AP3B1: variants seen among roughly 807,000 people sequenced by gnomAD.
AP3B1 encodes the protein adaptor related protein complex 3 subunit beta 1, also known as AP-3 complex subunit beta-1.
A neutral mutation model predicts 132.5 loss-of-function variants in AP3B1; 61 were observed. That is an observed-to-expected ratio of 0.46 (90% CI 0.37 to 0.57). The LOEUF is 0.57. Among genes scored for constraint, AP3B1 ranks in the 20% least tolerant of loss-of-function variants. The pLI is 0.00. For synonymous variants in AP3B1, 388 were observed against 438.3 expected (o/e 0.89, Z 1.43); for missense variants, 1,120 against 1,289.4 (o/e 0.87, Z 2.01).
intron 22 of AP3B1, among the ~76,000 whole-genome samples, chr5:78,041,431 C>A (rs545018217): frequency 2.0e-3 from 303 of 151,308 alleles, no homozygotes; most frequent in African/African-American, 7.1e-3. Flanking sequence ...TGGTGCATTG[C>A]GCCTGTAGTC....
At chr5:78,278,030 T>A (rs1748858618) in intron 1 of AP3B1, among the ~76,000 whole-genome samples, 1 of 152,198 alleles carries the variant, frequency 6.6e-6, no homozygotes. Context: ...GAATGTCTTC[T>A]AGAATGTGAC....
At chr5:78,208,004 A>C (rs1401115646) in intron 7 of AP3B1, among the ~76,000 whole-genome samples, 1 of 152,184 alleles carries the variant, frequency 6.6e-6, no homozygotes, top group South Asian at 2.1e-4. Flanking sequence ...CCATCTACCC[A>C]CTCTTAAGAA....
At chr5:78,234,329 G>T (rs12516547) in intron 3 of AP3B1, among the ~76,000 whole-genome samples, 2,481 of 152,150 alleles carry the variant, frequency 0.016, 142 homozygotes, top group Admixed American at 0.12. Flanking sequence ...TACAAATATA[G>T]GTATAAGATG....
intron 7 of AP3B1, among the ~76,000 whole-genome samples, chr5:78,214,917 C>T (rs958891724): frequency 1.6e-4 from 24 of 152,164 alleles, no homozygotes; most frequent in African/African-American, 5.3e-4. Flanking sequence ...ACATAATCAT[C>T]ATTTTGTTAA....
chr5:78,091,747 G>C (rs1485453545), intron 21 of AP3B1, among the ~76,000 whole-genome samples: 1 of 152,190 alleles, frequency 6.6e-6, no homozygotes, highest in Non-Finnish European at 1.5e-5. Context: ...AAGGGGAACA[G>C]TCAAAAATCG....
At chr5:78,028,747 C>A (rs962088755) in intron 24 of AP3B1, among the ~76,000 whole-genome samples, 1 of 152,286 alleles carries the variant, frequency 6.6e-6, no homozygotes, top group Admixed American at 6.5e-5. Context: ...TACAGAATGA[C>A]ATGGCATGAT....
At chr5:78,234,171 A>G (rs1205657689) in intron 3 of AP3B1, among the ~76,000 whole-genome samples, 1 of 152,110 alleles carries the variant, frequency 6.6e-6, no homozygotes, top group Non-Finnish European at 1.5e-5. Context: ...TGTACTTTCC[A>G]TCTATATTCA....
chr5:78,211,218 G>A (rs575567851), intron 7 of AP3B1, among the ~76,000 whole-genome samples: 4 of 152,130 alleles, frequency 2.6e-5, no homozygotes, highest in South Asian at 2.1e-4. Context: ...AAAGTCAATC[G>A]GTCTTCTCCC....
intron 3 of AP3B1, among the ~76,000 whole-genome samples, chr5:78,237,139 A>C (rs1746911316): frequency 6.6e-6 from 1 of 152,222 alleles, no homozygotes; most frequent in Non-Finnish European, 1.5e-5. Context: ...GTTTATAAGA[A>C]CTATTTCATT....
intron 1 of AP3B1, among the ~76,000 whole-genome samples, chr5:78,272,927 T>C (rs1009553343): frequency 1.3e-5 from 2 of 148,648 alleles, no homozygotes; most frequent in African/African-American, 4.9e-5. Context: ...CAGAATATAC[T>C]GTAGGGACTT....
chr5:78,197,158 A>G (rs775207814), intron 7 of AP3B1, among the ~76,000 whole-genome samples: 19 of 152,196 alleles, frequency 1.2e-4, no homozygotes, highest in Non-Finnish European at 2.4e-4. Flanking sequence ...CCGTAAACTT[A>G]TAACTGCTCC....
chr5:78,097,053 A>G (rs1580341848), intron 21 of AP3B1, among the ~76,000 whole-genome samples: 1 of 93,100 alleles, frequency 1.1e-5, no homozygotes. Context: ...CCCGTCCGGG[A>G]GGGAGGTTGG....
rs867801817 is a variant in AP3B1, at chr5:78,002,649, C to T, written c.*253G>A. ...AAAAGAAGCAGCAGGACAGAGAAAA[C>T]GCCACATGGATTCAAGAGTTGAGAC... is the stretch of plus-strand genomic sequence containing the variant. On this transcript the variant is annotated 3_prime_UTR_variant, in exon 27 of 27. Transcript: ENST00000255194. 5.2e-5 allele frequency: 31 copies of T among 601,734 alleles called. No homozygotes were observed. In the Middle Eastern group the frequency reaches 2.2e-3, roughly 42 times the overall value. 37.3% of individuals were successfully genotyped at this position (601,734 alleles called of 1,614,324 possible). A position where few individuals can be genotyped will look rare whatever the true frequency, so the allele number is the denominator to read the frequency against.
chr5:78,279,869 T>TATATATATATAGGACTTAA (rs1748969049), intron 1 of AP3B1, among the ~76,000 whole-genome samples: 1 of 109,856 alleles, frequency 9.1e-6, no homozygotes, highest in African/African-American at 3.2e-5. Context: ...AGGACTTAAA[T>TATATATATATAGGACTTAA]ATATATATAT....
At chr5:78,225,464 A>G (rs560500799) in intron 6 of AP3B1, 78 bp downstream of exon 6, 1 of 787,196 alleles carries the variant, frequency 1.3e-6, no homozygotes, top group South Asian at 1.8e-5. Context: ...ATACAACTAT[A>G]TAAAATATAT....
intron 7 of AP3B1, among the ~76,000 whole-genome samples, chr5:78,209,975 T>A (rs1253571399): frequency 1.3e-5 from 2 of 152,204 alleles, no homozygotes; most frequent in Non-Finnish European, 2.9e-5. Flanking sequence ...AAATGCTTCA[T>A]AACCAATGGG....
intron 22 of AP3B1, among the ~76,000 whole-genome samples, chr5:78,085,476 G>A (rs1025977262): frequency 6.6e-6 from 1 of 152,078 alleles, no homozygotes; most frequent in African/African-American, 2.4e-5. Context: ...ATACACCCAT[G>A]TAACAGCCCC....
At chr5:78,199,217 A>C (rs1745193618) in intron 7 of AP3B1, among the ~76,000 whole-genome samples, 1 of 152,258 alleles carries the variant, frequency 6.6e-6, no homozygotes, top group South Asian at 2.1e-4. Flanking sequence ...ATTCAGCTCT[A>C]GTATGTAAGA....
At chr5:78,195,416 G>T (rs926328116) in intron 7 of AP3B1, among the ~76,000 whole-genome samples, 2 of 152,180 alleles carry the variant, frequency 1.3e-5, no homozygotes, top group Non-Finnish European at 2.9e-5. Context: ...TGGAACAGAA[G>T]AGAAAGCCTA....
Sources: gnomAD v4.1 joint callset for allele counts (sites outside exome capture counted in the v4.1 genomes callset) on GRCh38, gnomAD v4.1.1 for gene constraint, MANE v1.5 for transcripts, NCBI Gene and HGNC (gene_info 2026-07-23, HGNC 2026-07-21) for gene names.